The following RIMBP2 variants were observed in gnomAD, a reference collection of about 807,000 sequenced individuals.
RIMBP2 encodes the protein RIMS-binding protein 2.
In RIMBP2, 48 loss-of-function variants were observed where a neutral mutation model predicts 118.6. That is an observed-to-expected ratio of 0.40 (90% CI 0.32 to 0.51). The LOEUF (loss-of-function observed/expected upper bound fraction) is 0.51. RIMBP2 is among the 20% of genes least tolerant of loss of function. RIMBP2 has a pLI of 0.41. For missense variants in RIMBP2, 1,551 were observed against 1,768.3 expected (o/e 0.88, Z 2.20); for synonymous variants, 762 against 742.9 (o/e 1.03, Z -0.42).
Position 130,435,738 on chromosome 12 carries a change from G to C in RIMBP2, c.2107-858C>G, listed in dbSNP as rs764619658. Among the ~76,000 whole-genome samples the C allele has an allele frequency of 2.6e-5, 4 of 152,224 alleles. No homozygotes were observed. In the East Asian group the frequency reaches 7.7e-4, roughly 29 times the overall value. On this transcript the variant is annotated intron_variant, in intron 13 of 22. Transcript: ENST00000690449. ...TTTTTATTAGTGGCCAATGTCGAACGAATTAGCAAATTTCACAGAAAATTT... is the reference window on the plus strand; with the variant it reads ...TTTTTATTAGTGGCCAATGTCGAACCAATTAGCAAATTTCACAGAAAATTT...
chr12:130,545,708 G>A (rs1048116591), intron 2 of RIMBP2, among the ~76,000 whole-genome samples: 3 of 152,150 alleles, frequency 2.0e-5, no homozygotes, highest in African/African-American at 7.2e-5. Context: ...GGGGAGGAGA[G>A]GGGAGCGCCG....
chr12:130,596,664 T>C (rs2140376153), intron 2 of RIMBP2, among the ~76,000 whole-genome samples: 1 of 152,328 alleles, frequency 6.6e-6, no homozygotes, highest in African/African-American at 2.4e-5. Flanking sequence ...TGGGACACAG[T>C]AAGTGCTCGG....
intron 4 of RIMBP2, among the ~76,000 whole-genome samples, chr12:130,481,985 C>T (rs1310828110): frequency 6.7e-6 from 1 of 148,908 alleles, no homozygotes; most frequent in African/African-American, 2.5e-5. Flanking sequence ...TGAGTGCAAA[C>T]CAGCTGCATA....
At chr12:130,558,100 A>G (rs974340082) in intron 2 of RIMBP2, among the ~76,000 whole-genome samples, 4 of 152,254 alleles carry the variant, frequency 2.6e-5, no homozygotes, top group African/African-American at 4.8e-5. Context: ...TGTAATGATT[A>G]CTATGGTTAT....
intron 2 of RIMBP2, among the ~76,000 whole-genome samples, chr12:130,625,151 CT>C (rs771497817): frequency 6.6e-6 from 1 of 152,122 alleles, no homozygotes; most frequent in Non-Finnish European, 1.5e-5. Context: ...TTACATTAAT[CT>C]TTTTATGCTA....
chr12:130,705,488 G>A (rs1425651773), intron 1 of RIMBP2, among the ~76,000 whole-genome samples: 1 of 152,180 alleles, frequency 6.6e-6, no homozygotes, highest in African/African-American at 2.4e-5. Flanking sequence ...GGAGAGGCTG[G>A]CAGGGAAGGG....
At chr12:130,478,150 A>G (rs2081606236) in intron 5 of RIMBP2, among the ~76,000 whole-genome samples, 1 of 152,182 alleles carries the variant, frequency 6.6e-6, no homozygotes, top group African/African-American at 2.4e-5. Flanking sequence ...GGTGCCCAGG[A>G]GGTAAAAATC....
chr12:130,587,135 T>C (rs1197608263), intron 2 of RIMBP2, among the ~76,000 whole-genome samples: 3 of 150,700 alleles, frequency 2.0e-5, no homozygotes, highest in Non-Finnish European at 4.4e-5. Context: ...TGAGATACCA[T>C]CTCACACCAG....
Position 130,462,365 on chromosome 12 carries a change from CAGGAA to C in RIMBP2, c.154-5670_154-5666del, listed in dbSNP as rs1462400347. Among the ~76,000 whole-genome samples, 11 of 152,296 alleles carry C rather than the reference CAGGAA, an allele frequency of 7.2e-5. No individual in the cohort carries two copies. The East Asian group carries it at 1.9e-3, about 27-fold the overall frequency. ...ACCCAGGGGTGGCCAGTGCAGATAC[CAGGAA>C]GGCCGCGCTGCCGCAAGCCTGGAGA... On this transcript the variant is annotated intron_variant, in intron 6 of 22. Transcript: ENST00000690449.
chr12:130,407,187 C>T (rs1490884341), intron 20 of RIMBP2, among the ~76,000 whole-genome samples: 2 of 152,128 alleles, frequency 1.3e-5, no homozygotes, highest in Non-Finnish European at 2.9e-5. Context: ...TACTGTGTAA[C>T]ATGGGTTCAC....
intron 12 of RIMBP2, 107 bp from the exon 13 acceptor site, chr12:130,437,398 G>A: frequency 1.1e-6 from 1 of 936,156 alleles, no homozygotes; most frequent in Non-Finnish European, 1.6e-6. Flanking sequence ...AAAGGATCAT[G>A]CCCAGCGACC....
chr12:130,714,519 G>C lies in RIMBP2; in HGVS notation c.-352+1703C>G, dbSNP rs367829821. On this transcript the variant is annotated intron_variant, in intron 1 of 22. Coordinates refer to ENST00000690449, the MANE Select transcript of RIMBP2 (RefSeq NM_001393629.1). ...TAGCGCCAGCATCTTCCTGTCTCCC[G>C]GGCACGTGGGCAGTGCCACCCTCTC... Among the ~76,000 whole-genome samples, 65 of 152,238 alleles carry C rather than the reference G, an allele frequency of 4.3e-4. No individual in the cohort carries two copies. The South Asian group carries it at 0.013, about 32-fold the overall frequency.
At chr12:130,536,064 C>G (rs561916341) in intron 2 of RIMBP2, among the ~76,000 whole-genome samples, 2 of 152,244 alleles carry the variant, frequency 1.3e-5, no homozygotes, top group East Asian at 1.9e-4. Flanking sequence ...GCTGGCATTA[C>G]AGGCGTGAGC....
chr12:130,557,580 A>G (rs1294218959), intron 2 of RIMBP2, among the ~76,000 whole-genome samples: 4 of 152,194 alleles, frequency 2.6e-5, no homozygotes, highest in Admixed American at 1.3e-4. Flanking sequence ...GACTCTGAGC[A>G]GAAGTCTTGG....
intron 2 of RIMBP2, among the ~76,000 whole-genome samples, chr12:130,614,121 C>T (rs997373258): frequency 2.0e-5 from 3 of 152,204 alleles, no homozygotes; most frequent in Non-Finnish European, 4.4e-5. Context: ...CTTTATGTTT[C>T]GGTAGCACTT....
chr12:130,527,691 C>G lies in RIMBP2; in HGVS notation c.-216-9774G>C, dbSNP rs148429418. Among the ~76,000 whole-genome samples, 509 of 151,526 alleles carry G rather than the reference C, an allele frequency of 3.4e-3. 6 individuals carry two copies. Among genetic ancestry groups the G allele is most frequent in the African/African-American group, 0.012 (482 of 41,394 alleles). On this transcript the variant is annotated intron_variant, in intron 2 of 22. Coordinates refer to ENST00000690449, the MANE Select transcript of RIMBP2 (RefSeq NM_001393629.1). ...TGGGAGGAAATTTTTGCAATCTATC[C>G]ATTTGACACGAGTCTGATATCCAGA...
intron 1 of RIMBP2, among the ~76,000 whole-genome samples, chr12:130,646,737 C>T (rs1263879903): frequency 6.6e-6 from 1 of 152,260 alleles, no homozygotes; most frequent in Non-Finnish European, 1.5e-5. Flanking sequence ...TCATCTCCTA[C>T]AGGGCAAGAG....
intron 1 of RIMBP2, among the ~76,000 whole-genome samples, chr12:130,689,125 G>A (rs1194971113): frequency 6.6e-6 from 1 of 152,138 alleles, no homozygotes; most frequent in Non-Finnish European, 1.5e-5. Flanking sequence ...ACCCCTCCAT[G>A]CCAACACAGC....
At chr12:130,696,613 G>T (rs2065588127) in intron 1 of RIMBP2, among the ~76,000 whole-genome samples, 1 of 152,206 alleles carries the variant, frequency 6.6e-6, no homozygotes, top group Admixed American at 6.5e-5. Context: ...CGATCACTGT[G>T]AACATTGATC....
Sources: gnomAD v4.1 joint callset for allele counts (sites outside exome capture counted in the v4.1 genomes callset) on GRCh38, gnomAD v4.1.1 for gene constraint, MANE v1.5 for transcripts, NCBI Gene and HGNC (gene_info 2026-07-23, HGNC 2026-07-21) for gene names.